SATB2: variants seen among roughly 807,000 people sequenced by gnomAD.
SATB2 encodes the protein SATB homeobox 2.
SATB2 carries 1 observed loss-of-function variant against 73.4 expected under a neutral mutation model. The ratio of observed to expected loss-of-function variants is 0.01; its 90% CI spans 0.00 to 0.06. The LOEUF (loss-of-function observed/expected upper bound fraction) is 0.06. Ranked by LOEUF, SATB2 falls within the 10% of genes least tolerant of loss-of-function variation. The pLI is 1.00. For missense variants in SATB2, 459 were observed against 945.8 expected, an observed-to-expected ratio of 0.49 and a Z score of 6.75; for synonymous variants, 397 against 367.0, an observed-to-expected ratio of 1.08 and a Z score of -0.93.
chr2:199,319,456 C>A (rs1288755777), intron 9 of SATB2, among the ~76,000 whole-genome samples: 1 of 152,074 alleles, frequency 6.6e-6, no homozygotes, highest in African/African-American at 2.4e-5. Flanking sequence ...CTTTCATTAT[C>A]ACCATCTGGG....
At chr2:199,275,552 G>C (rs762566251) in intron 10 of SATB2, among the ~76,000 whole-genome samples, 12 of 152,040 alleles carry the variant, frequency 7.9e-5, no homozygotes, top group Non-Finnish European at 1.8e-4. Context: ...ATTCTCCTCC[G>C]AATTGGAAAT....
At chr2:199,435,972 T>C (rs1008896520) in intron 2 of SATB2, among the ~76,000 whole-genome samples, 2 of 152,188 alleles carry the variant, frequency 1.3e-5, no homozygotes, top group South Asian at 2.1e-4. Flanking sequence ...TAAGGCCATA[T>C]AGTCCATGGT....
At chr2:199,345,735 C>T (rs911154996) in intron 7 of SATB2, among the ~76,000 whole-genome samples, 4 of 152,172 alleles carry the variant, frequency 2.6e-5, no homozygotes, top group Non-Finnish European at 4.4e-5. Context: ...CACCTGGATA[C>T]TTGCAGTAGC....
Position 199,381,809 on chromosome 2 carries a change from G to A in SATB2, c.358C>T (p.Leu120=), listed in dbSNP as rs1426383467. 1.2e-6 allele frequency: 2 copies of A among 1,614,040 alleles called. No individual in the cohort carries two copies. The highest frequency in any genetic ancestry group is 3.3e-5 in the Admixed American group (2 of 60,014). Residue 120 remains leucine (L), a synonymous_variant, in exon 4 of 11, where the codon CTG becomes TTG. Transcript: ENST00000417098. ...AGGGGGAGAGGGTTCCACCTTCCCA[G>A]CTTGATTATTCCTGCACAGGGAAGA... The part of the protein sequence containing the change: ...SAAQAQGIIK[L]GRWNPLPLSY...
At chr2:199,443,171 G>A (rs1482947855) in intron 2 of SATB2, among the ~76,000 whole-genome samples, 1 of 151,792 alleles carries the variant, frequency 6.6e-6, no homozygotes, top group Non-Finnish European at 1.5e-5. Context: ...AGGAGTCAAT[G>A]AAAATTGTCC....
chr2:199,312,705 G>C (rs1220865775), intron 9 of SATB2, among the ~76,000 whole-genome samples: 2 of 152,122 alleles, frequency 1.3e-5, no homozygotes, highest in Admixed American at 1.3e-4. Flanking sequence ...CAGGGTTAAA[G>C]GCACAAATAA....
chr2:199,275,338 A>G (rs547762432), intron 10 of SATB2, among the ~76,000 whole-genome samples: 1 of 152,326 alleles, frequency 6.6e-6, no homozygotes, highest in South Asian at 2.1e-4. Flanking sequence ...AGTAATACAT[A>G]TGTACAGAGA....
At chr2:199,435,451 C>T (rs572488996) in intron 2 of SATB2, among the ~76,000 whole-genome samples, 2 of 151,762 alleles carry the variant, frequency 1.3e-5, no homozygotes, top group East Asian at 1.9e-4. Context: ...CGGGTTCAAG[C>T]GATTCTCCTG....
At chr2:199,461,858 A>G (rs1180152512), upstream of SATB2, among the ~76,000 whole-genome samples, 2 of 151,872 alleles carry the variant, frequency 1.3e-5, no homozygotes, top group African/African-American at 2.4e-5. Context: ...TATGGCCTGC[A>G]CTCTAATGAC....
At chr2:199,363,691 A>G (rs1689202813) in intron 6 of SATB2, among the ~76,000 whole-genome samples, 1 of 152,234 alleles carries the variant, frequency 6.6e-6, no homozygotes, top group Non-Finnish European at 1.5e-5. Flanking sequence ...AGGTTAATTC[A>G]CTTGATTTAA....
chr2:199,287,368 T>C (rs1336583538), intron 10 of SATB2, among the ~76,000 whole-genome samples: 7 of 152,120 alleles, frequency 4.6e-5, no homozygotes, highest in African/African-American at 7.2e-5. Flanking sequence ...AGGAAAAGAA[T>C]AGATACATTT....
chr2:199,447,544 C>A (rs1352980870), intron 2 of SATB2, among the ~76,000 whole-genome samples: 1 of 152,074 alleles, frequency 6.6e-6, no homozygotes, highest in Non-Finnish European at 1.5e-5. Flanking sequence ...GAGGAACATT[C>A]ATTACTTCTG....
intron 3 of SATB2, among the ~76,000 whole-genome samples, chr2:199,401,724 G>C (rs1421744280): frequency 2.0e-5 from 3 of 152,098 alleles, no homozygotes; most frequent in Non-Finnish European, 4.4e-5. Context: ...CATAAAACCA[G>C]GAAGTCTGGG....
intron 3 of SATB2, among the ~76,000 whole-genome samples, chr2:199,395,105 G>A (rs1189883400): frequency 6.6e-6 from 1 of 150,738 alleles, no homozygotes; most frequent in Non-Finnish European, 1.5e-5. Context: ...TTTTTGAGAC[G>A]GAGTCTCACT....
chr2:199,350,499 G>A (rs1451470383), intron 6 of SATB2, among the ~76,000 whole-genome samples: 1 of 151,968 alleles, frequency 6.6e-6, no homozygotes, highest in Admixed American at 6.6e-5. Flanking sequence ...GAACTGTATG[G>A]GTGGAAAAAA....
intron 10 of SATB2, among the ~76,000 whole-genome samples, chr2:199,282,913 C>T (rs1692569467): frequency 6.6e-6 from 1 of 152,112 alleles, no homozygotes; most frequent in African/African-American, 2.4e-5. Context: ...TGAAATTGAG[C>T]CTCAAGTTAC....
Position 199,464,956 on chromosome 2 carries a change from G to A in SATB2, c.-261C>T, listed in dbSNP as rs2105969115. ...CGACAGAAGGTGCCTTCGGCGTCAC[G>A]CGTCCAACCCTGGGGCTGATTTAAA... On this transcript the variant is annotated 5_prime_UTR_variant, in exon 1 of 12. Coordinates refer to the SATB2 transcript ENST00000260926. The surrounding 1 kb of genome is among the most constrained non-coding windows in gnomAD (Gnocchi z 6.6). The A allele has an allele frequency of 6.6e-6, 1 of 152,386 alleles. No homozygotes were observed. The highest frequency in any genetic ancestry group is 2.1e-4 in the South Asian group (1 of 4,830). 9.4% of individuals were successfully genotyped at this position (152,386 alleles called of 1,614,324 possible).
rs566030463 is a variant in SATB2, at chr2:199,277,919, G to A, written c.1741-5247C>T. ...GTTTGCAAGCAGCAGAACTGGGCTTGTCAAGCATATCTTATTCAAGCATAT... is the reference window on the plus strand; with the variant it reads ...GTTTGCAAGCAGCAGAACTGGGCTTATCAAGCATATCTTATTCAAGCATAT... On this transcript the variant is annotated intron_variant, in intron 10 of 10. Coordinates refer to ENST00000417098, the MANE Select transcript of SATB2 (RefSeq NM_001172509.2). Among the ~76,000 whole-genome samples the A allele has an allele frequency of 2.2e-3, 331 of 152,308 alleles. 1 individual carries two copies. In the Middle Eastern group the frequency reaches 0.044, roughly 20 times the overall value.
chr2:199,285,895 T>TA (rs1692673686), intron 10 of SATB2, among the ~76,000 whole-genome samples: 2 of 150,364 alleles, frequency 1.3e-5, no homozygotes, highest in Admixed American at 1.3e-4. Context: ...TTTTTTTTTT[T>TA]AAATATTGTA....
Sources: allele counts gnomAD v4.1 joint callset (sites outside exome capture counted in the v4.1 genomes callset), GRCh38; gene constraint gnomAD v4.1.1; non-coding constraint Gnocchi (gnomAD v3.1); transcripts MANE v1.5; gene names NCBI Gene and HGNC (gene_info 2026-07-23, HGNC 2026-07-21).